Variants in RNF19A observed in about 807,000 individuals in gnomAD.
RNF19A encodes the protein E3 ubiquitin-protein ligase RNF19A.
In RNF19A, 32 loss-of-function variants were observed where a neutral mutation model predicts 75.7. The ratio of observed to expected loss-of-function variants is 0.42; its 90% CI spans 0.32 to 0.57. The LOEUF (loss-of-function observed/expected upper bound fraction) is 0.57. Ranked by LOEUF, RNF19A falls within the 20% of genes least tolerant of loss-of-function variation. The pLI is 0.10. For synonymous variants in RNF19A, 335 were observed against 345.2 expected (o/e 0.97, Z 0.33); for missense variants, 782 against 1,036.3 (o/e 0.75, Z 3.37).
rs1297651258 is a variant in RNF19A, at chr8:100,287,374, T to A, written c.674+127A>T. 1 of 740,918 alleles carries A rather than the reference T, an allele frequency of 1.3e-6. No homozygotes were observed. Among genetic ancestry groups the A allele is most frequent in the Non-Finnish European group, 2.2e-6 (1 of 457,348 alleles). 45.9% of individuals were successfully genotyped at this position (740,918 alleles called of 1,614,324 possible). A position where few individuals can be genotyped will look rare whatever the true frequency, so the allele number is the denominator to read the frequency against. ...ACCTAGCATAGTGCCTGACATATGG[T>A]GTGCACTCAACATGTCTGTTGAATG... On this transcript the variant is annotated intron_variant, in intron 2 of 9. Coordinates refer to ENST00000341084, the MANE Select transcript of RNF19A (RefSeq NM_183419.4). This position sits in a 1 kb window ranked among gnomAD's most constrained non-coding sequence, Gnocchi z 4.1.
At chr8:100,307,721 T>C (rs909163711) in intron 1 of RNF19A, among the ~76,000 whole-genome samples, 2 of 152,154 alleles carry the variant, frequency 1.3e-5, no homozygotes, top group African/African-American at 4.8e-5. Context: ...GTGACCCAAG[T>C]GTCTTACATC....
At chr8:100,293,755 G>A (rs1347359500) in intron 1 of RNF19A, among the ~76,000 whole-genome samples, 1 of 152,000 alleles carries the variant, frequency 6.6e-6, no homozygotes, top group African/African-American at 2.4e-5. Flanking sequence ...TTTGATTTTT[G>A]TCCCAGGGGC....
chr8:100,315,661 G>A (rs1822362877), intron 1 of RNF19A, among the ~76,000 whole-genome samples: 1 of 152,122 alleles, frequency 6.6e-6, no homozygotes, highest in Non-Finnish European at 1.5e-5. Flanking sequence ...TGTTGTTGTT[G>A]TTGTTGTTGA....
At chr8:100,273,664 A>G (rs1213773338) in intron 3 of RNF19A, among the ~76,000 whole-genome samples, 1 of 152,238 alleles carries the variant, frequency 6.6e-6, no homozygotes, top group Non-Finnish European at 1.5e-5. Context: ...AAATCTCTAG[A>G]AAGTGACTGT....
chr8:100,309,675 T>TA (rs1384571842), intron 1 of RNF19A, 192 bp downstream of exon 1: 1 of 940,998 alleles, frequency 1.1e-6, no homozygotes, highest in African/African-American at 1.8e-5. Context: ...CCTGACCCCC[T>TA]AAGCCGGCCA....
At chr8:100,296,751 C>T (rs1563860113) in intron 1 of RNF19A, among the ~76,000 whole-genome samples, 1 of 152,184 alleles carries the variant, frequency 6.6e-6, no homozygotes. Context: ...TCGCTATTTA[C>T]ATTATTAGTA....
upstream of RNF19A, among the ~76,000 whole-genome samples, chr8:100,312,866 G>C (rs922470596): frequency 1.3e-5 from 2 of 152,160 alleles, no homozygotes; most frequent in Non-Finnish European, 2.9e-5. Context: ...AGGTTGCAGC[G>C]AGCTGAGATT....
At chr8:100,321,340 T>C (rs1402134923) in intron 1 of RNF19A, among the ~76,000 whole-genome samples, 2 of 152,226 alleles carry the variant, frequency 1.3e-5, no homozygotes, top group African/African-American at 4.8e-5. Flanking sequence ...CAAGAGTAGA[T>C]TCCATCTAAA....
At chr8:100,309,755 C>A in intron 1 of RNF19A, 112 bp downstream of exon 1, 1 of 985,334 alleles carries the variant, frequency 1.0e-6, no homozygotes. Flanking sequence ...CATTTCTGTC[C>A]CGGGCAGGGG....
intron 1 of RNF19A, among the ~76,000 whole-genome samples, chr8:100,320,554 C>G (rs1822451600): frequency 6.6e-6 from 1 of 152,168 alleles, no homozygotes; most frequent in African/African-American, 2.4e-5. Flanking sequence ...GGAAAAATAA[C>G]AGGTGCATTT....
chr8:100,268,147 C>G (rs1342671444), intron 5 of RNF19A, among the ~76,000 whole-genome samples: 1 of 151,190 alleles, frequency 6.6e-6, no homozygotes, highest in Non-Finnish European at 1.5e-5. Context: ...AGTTACTTCT[C>G]AATCCAGAGA....
intron 1 of RNF19A, among the ~76,000 whole-genome samples, chr8:100,326,272 T>G (rs1025019993): frequency 1.3e-5 from 2 of 152,112 alleles, no homozygotes; most frequent in Non-Finnish European, 2.9e-5. Flanking sequence ...CTGATTCAAT[T>G]CTCTTTAAAT....
upstream of RNF19A, among the ~76,000 whole-genome samples, chr8:100,314,550 A>G (rs1245432115): frequency 6.6e-6 from 1 of 152,150 alleles, no homozygotes; most frequent in African/African-American, 2.4e-5. This position sits in a 1 kb window ranked among gnomAD's most constrained non-coding sequence, Gnocchi z 4.1. Context: ...ACAGTAAGGT[A>G]CTAGCAGTAC....
intron 1 of RNF19A, among the ~76,000 whole-genome samples, chr8:100,321,178 T>G (rs1301142492): frequency 6.6e-6 from 1 of 152,248 alleles, no homozygotes; most frequent in African/African-American, 2.4e-5. Flanking sequence ...CTCTGTAGCA[T>G]GCACTGCTGC....
At chr8:100,308,350 G>T (rs556499324) in intron 1 of RNF19A, among the ~76,000 whole-genome samples, 2 of 152,194 alleles carry the variant, frequency 1.3e-5, no homozygotes, top group Admixed American at 1.3e-4. Flanking sequence ...GCATAATTTG[G>T]TTTATTAAGT....
chr8:100,292,845 A>T (rs1009247594), intron 1 of RNF19A, among the ~76,000 whole-genome samples: 2 of 152,128 alleles, frequency 1.3e-5, no homozygotes, highest in Non-Finnish European at 2.9e-5. Context: ...AAGCTTACCA[A>T]GTCTTCTTTT....
intron 3 of RNF19A, among the ~76,000 whole-genome samples, chr8:100,272,380 T>G (rs1238554148): frequency 6.6e-6 from 1 of 152,112 alleles, no homozygotes; most frequent in African/African-American, 2.4e-5. Context: ...AAAAAACAAC[T>G]AATTATTATA....
At chr8:100,313,277 G>A (rs1313591768), upstream of RNF19A, 1 of 971,766 alleles carries the variant, frequency 1.0e-6, no homozygotes, top group Non-Finnish European at 1.2e-6. Flanking sequence ...ATAATGAAAA[G>A]GAAATACACT....
intron 5 of RNF19A, 66 bp downstream of exon 5, chr8:100,268,719 A>G (rs1820111878): frequency 9.0e-7 from 1 of 1,108,066 alleles, no homozygotes; most frequent in Admixed American, 3.0e-5. Context: ...AAAATCATCA[A>G]TACTAAAAGA....
Sources: gnomAD v4.1 joint callset for allele counts (sites outside exome capture counted in the v4.1 genomes callset) on GRCh38, gnomAD v4.1.1 for gene constraint, Gnocchi (gnomAD v3.1) non-coding constraint, MANE v1.5 for transcripts, NCBI Gene and HGNC (gene_info 2026-07-23, HGNC 2026-07-21) for gene names.